USP22: variants seen among roughly 807,000 people sequenced by gnomAD.
USP22 encodes the protein ubiquitin specific peptidase 22, also known as ubiquitin carboxyl-terminal hydrolase 22.
A neutral mutation model predicts 68.1 loss-of-function variants in USP22; 22 were observed. The ratio of observed to expected loss-of-function variants is 0.32; its 90% confidence interval spans 0.23 to 0.46. USP22 has a LOEUF of 0.46. Ranked by LOEUF, USP22 falls within the 20% of genes least tolerant of loss-of-function variation. The probability of loss-of-function intolerance (pLI) is 1.00; values close to 1 mark genes in which losing one functional copy is unlikely to be tolerated. For synonymous variants in USP22, 279 were observed against 274.2 expected, an observed-to-expected ratio of 1.02 and a Z score of -0.17; for missense variants, 433 against 695.8, an observed-to-expected ratio of 0.62 and a Z score of 4.25.
rs369594323 is a variant in USP22 at position 21,018,399 on chromosome 17, AT to A, written c.521-289del. 2.6e-3 allele frequency: 671 copies of A among 260,932 alleles called. 4 individuals carry two copies. The highest frequency in any genetic ancestry group is 0.014 in the African/African-American group (603 of 43,558). The allele number at this position is 260,932 out of a possible 1,614,324, so 16.2% of individuals were successfully genotyped here. A position where few individuals can be genotyped will look rare whatever the true frequency, so the allele number is the denominator to read the frequency against. On this transcript the variant is annotated intron_variant, in intron 4 of 12. Coordinates refer to ENST00000261497, the MANE Select transcript of USP22 (RefSeq NM_015276.2). ...ACAGGCCAGGTCAGAGTGAAGCCTAATGAACAAACAAAACAGGTTTTTAAAA... is the reference window on the plus strand; with the variant it reads ...ACAGGCCAGGTCAGAGTGAAGCCTAAGAACAAACAAAACAGGTTTTTAAAA...
Position 21,000,974 on chromosome 17 carries a change from C to G in USP22, c.*2057G>C, listed in dbSNP as rs928138339. 2 of 146,014 alleles carry G rather than the reference C, an allele frequency of 1.4e-5. No individual in the cohort carries two copies. The highest frequency in any genetic ancestry group is 5.1e-5 in the African/African-American group (2 of 39,322). The allele number at this position is 146,014 out of a possible 1,614,324, so 9.0% of individuals were successfully genotyped here. A position where few individuals can be genotyped will look rare whatever the true frequency, so the allele number is the denominator to read the frequency against. ...CTGCGGCACGAGAACTGCTTGAACC[C>G]AGGAGGTGGAGGTTGCAGTGAGCCG... On this transcript the variant is annotated 3_prime_UTR_variant, in exon 13 of 13. Coordinates refer to ENST00000261497, the MANE Select transcript of USP22 (RefSeq NM_015276.2).
At chr17:21,021,939 A>C (rs1972161248) in intron 2 of USP22, among the ~76,000 whole-genome samples, 1 of 151,964 alleles carries the variant, frequency 6.6e-6, no homozygotes, top group Non-Finnish European at 1.5e-5. Context: ...ATCTCTACTA[A>C]AGTACAAAAA....
intron 7 of USP22, among the ~76,000 whole-genome samples, chr17:21,012,424 C>A (rs190427843): frequency 1.3e-5 from 2 of 152,204 alleles, no homozygotes; most frequent in East Asian, 3.9e-4. Flanking sequence ...GAAAATGGAA[C>A]CAGAAACCAT....
chr17:21,005,005 G>A lies in USP22; in HGVS notation c.1323-15C>T, dbSNP rs117211631. 3.2e-4 allele frequency: 521 copies of A among 1,613,888 alleles called. 4 individuals are homozygous for A. In the East Asian group the frequency reaches 4.6e-3, roughly 14 times the overall value. ...TGCTCTCTTTGCTGTAACAGACAAC[G>A]GCAGGATTCAGCATCATTAAAATCA... is the stretch of plus-strand genomic sequence containing the variant. On this transcript the variant is annotated splice_polypyrimidine_tract_variant and intron_variant, in intron 10 of 12. Coordinates refer to ENST00000261497, the MANE Select transcript of USP22 (RefSeq NM_015276.2).
rs981760514 is a variant in USP22, at chr17:21,042,872, C to G, written c.-37G>C. 6.6e-5 allele frequency: 80 copies of G among 1,218,370 alleles called. No individual in the cohort carries two copies. In the African/African-American group the frequency reaches 1.2e-3, roughly 19 times the overall value. The allele number at this position is 1,218,370 out of a possible 1,614,324, so 75.5% of individuals were successfully genotyped here. On this transcript the variant is annotated 5_prime_UTR_variant, in exon 1 of 13. Transcript: ENST00000261497. ...CCCGGCCGCGCGCGGGGGGCGGCGG[C>G]GAGGGAGGCGAGGACGACGCCAGCG...
intron 11 of USP22, 88 bp from the exon 12 acceptor site, chr17:21,004,439 C>A (rs1239149942): frequency 3.2e-6 from 5 of 1,544,058 alleles, no homozygotes; most frequent in African/African-American, 2.7e-5. Flanking sequence ...GCAGCCCAGG[C>A]AGGGAGCGGG....
At chr17:21,003,910 A>T (rs532115485) in intron 12 of USP22, among the ~76,000 whole-genome samples, 31 of 152,002 alleles carry the variant, frequency 2.0e-4, no homozygotes, top group Middle Eastern at 3.4e-3. Context: ...CAAAAAAAAA[A>T]AAAAAAAAAA....
intron 1 of USP22, among the ~76,000 whole-genome samples, chr17:21,029,716 G>C (rs1486409569): frequency 6.6e-6 from 1 of 152,204 alleles, no homozygotes; most frequent in Non-Finnish European, 1.5e-5. Context: ...ACAGAAAGGA[G>C]TGAAGTACTG....
chr17:21,004,190 C>A lies in USP22; in HGVS notation c.1535+12G>T. ...CCACCGTAGGGCCTTCCTCCCACCC[C>A]ACAGGACGCACCCTTCGCTGTCCAG... On this transcript the variant is annotated intron_variant, in intron 12 of 12. Transcript: ENST00000261497. 6.2e-7 allele frequency: 1 copy of A among 1,613,254 alleles called. No homozygotes were observed. The highest frequency in any genetic ancestry group is 8.5e-7 in the Non-Finnish European group (1 of 1,179,382).
rs71357459 is a variant in USP22, at chr17:21,027,292, C to CAAA, written c.304+1247_304+1249dup. ...TCCAGACAAAGCGAGACCCTGTCTCCAAAAAAAAAAAAAAAAAATCAGACA... is the reference window on the plus strand; with the variant it reads ...TCCAGACAAAGCGAGACCCTGTCTCCAAAAAAAAAAAAAAAAAAAAATCAGACA... On this transcript the variant is annotated intron_variant, in intron 2 of 12. Coordinates refer to ENST00000261497, the MANE Select transcript of USP22 (RefSeq NM_015276.2). 7.9e-4 allele frequency among the ~76,000 whole-genome samples: 57 copies of CAAA among 72,280 alleles called. 2 individuals are homozygous for CAAA. The highest frequency in any genetic ancestry group is 0.011 in the Middle Eastern group (1 of 94). 47.4% of individuals were successfully genotyped at this position (72,280 alleles called of 152,430 possible).
chr17:21,035,425 T>C (rs1050444020), intron 1 of USP22, among the ~76,000 whole-genome samples: 1 of 151,896 alleles, frequency 6.6e-6, no homozygotes, highest in African/African-American at 2.4e-5. Flanking sequence ...TAAGCTTCCA[T>C]CCGCTTAATA....
At chr17:21,006,783 G>A (rs1446185543) in intron 10 of USP22, 113 bp downstream of exon 10, 7 of 778,718 alleles carry the variant, frequency 9.0e-6, no homozygotes, top group South Asian at 6.9e-5. Flanking sequence ...GATTACAGGC[G>A]GGAGCCACTG....
chr17:21,015,980 T>A, intron 5 of USP22, 81 bp from the exon 6 acceptor site: 3 of 1,479,356 alleles, frequency 2.0e-6, no homozygotes, highest in South Asian at 2.7e-5. Flanking sequence ...AAAACCTTTA[T>A]CAGATGCCTA....
At chr17:21,023,967 C>A (rs752148940) in intron 2 of USP22, among the ~76,000 whole-genome samples, 1 of 152,220 alleles carries the variant, frequency 6.6e-6, no homozygotes, top group Admixed American at 6.5e-5. Flanking sequence ...TATTTCAGGT[C>A]TTAAGCTACT....
intron 4 of USP22, 164 bp from the exon 5 acceptor site, chr17:21,018,275 T>C (rs1268603816): frequency 1.6e-6 from 1 of 630,868 alleles, no homozygotes; most frequent in African/African-American, 1.9e-5. Context: ...TATGCCACTT[T>C]TACATGAACG....
At chr17:21,034,995 G>A (rs1213378049) in intron 1 of USP22, among the ~76,000 whole-genome samples, 1 of 152,166 alleles carries the variant, frequency 6.6e-6, no homozygotes, top group African/African-American at 2.4e-5. Flanking sequence ...CCTCAAGGAT[G>A]GGGGTGAGTA....
At chr17:21,024,952 G>C (rs1005793842) in intron 2 of USP22, among the ~76,000 whole-genome samples, 7 of 152,182 alleles carry the variant, frequency 4.6e-5, no homozygotes, top group African/African-American at 1.7e-4. Flanking sequence ...CTGGGTGACA[G>C]AGGGAGATAG....
chr17:21,025,943 T>A (rs1972213877), intron 2 of USP22, among the ~76,000 whole-genome samples: 1 of 152,214 alleles, frequency 6.6e-6, no homozygotes, highest in Non-Finnish European at 1.5e-5. Flanking sequence ...ATGTGCTAAA[T>A]GTCACCGACT....
At chr17:21,015,460 G>A (rs1019249796) in intron 6 of USP22, among the ~76,000 whole-genome samples, 1 of 152,148 alleles carries the variant, frequency 6.6e-6, no homozygotes, top group Non-Finnish European at 1.5e-5. Context: ...GGGCCTCAAA[G>A]CACAGGCCCA....
Sources: allele counts gnomAD v4.1 joint callset (sites outside exome capture counted in the v4.1 genomes callset), GRCh38; gene constraint gnomAD v4.1.1; transcripts MANE v1.5; gene names NCBI Gene and HGNC (gene_info 2026-07-23, HGNC 2026-07-21).